BLTP1: variants seen among roughly 807,000 people sequenced by gnomAD.
The protein encoded by BLTP1 is fragile site-associated protein.
At chr4:122,261,818 T>C in the BLTP1 span, 114 of 984,836 alleles carry the variant, frequency 1.2e-4, no homozygotes, top group Non-Finnish European at 1.3e-4. Flanking sequence ...TTTAATACGT[T>C]GTGAGTGTTC....
the BLTP1 span, among the ~76,000 whole-genome samples, chr4:122,294,026 C>T: frequency 5.9e-5 from 9 of 152,276 alleles, no homozygotes; most frequent in South Asian, 2.1e-4. Flanking sequence ...AGTGGGACTC[C>T]GGTCCATCCC....
chr4:122,325,519 G>T, the BLTP1 span: 4 of 984,918 alleles, frequency 4.1e-6, no homozygotes, highest in Non-Finnish European at 2.4e-6. Context: ...GCAGGTGTTA[G>T]TATTTTACAT....
the BLTP1 span, chr4:122,188,963 G>C: frequency 1.0e-6 from 1 of 985,160 alleles, no homozygotes. Context: ...TGAGTATCGC[G>C]GTGACTGTGG....
the BLTP1 span, among the ~76,000 whole-genome samples, chr4:122,358,112 A>C: frequency 6.6e-6 from 1 of 152,206 alleles, no homozygotes; most frequent in Non-Finnish European, 1.5e-5. Context: ...ATACAGCCCC[A>C]ACAGATACCA....
At chr4:122,216,135 CTA>C in the BLTP1 span, among the ~76,000 whole-genome samples, 1 of 147,350 alleles carries the variant, frequency 6.8e-6, no homozygotes, top group Non-Finnish European at 1.5e-5. Context: ...ATCTATCTAT[CTA>C]TCTATCTACC....
At chr4:122,239,990 T>TCTAC in the BLTP1 span, 1 of 1,614,134 alleles carries the variant, frequency 6.2e-7, no homozygotes, top group Non-Finnish European at 8.5e-7. Flanking sequence ...TATATCACAG[T>TCTAC]GTAGAAGGGC....
At chr4:122,178,039 A>C in the BLTP1 span, 2 of 805,532 alleles carry the variant, frequency 2.5e-6, no homozygotes, top group Non-Finnish European at 3.0e-6. Flanking sequence ...CATTTGTATA[A>C]AAGAGTAACA....
At chr4:122,192,346 A>AT in the BLTP1 span, 1 of 1,613,234 alleles carries the variant, frequency 6.2e-7, no homozygotes, top group South Asian at 1.1e-5. Flanking sequence ...AAAGGAACAG[A>AT]TTTTAATTAT....
chr4:122,307,385 C>A, the BLTP1 span: 1 of 767,166 alleles, frequency 1.3e-6, no homozygotes, highest in Non-Finnish European at 1.6e-6. Context: ...GATGCTCAAC[C>A]TGCATTTGCT....
the BLTP1 span, among the ~76,000 whole-genome samples, chr4:122,194,098 G>A: frequency 3.3e-5 from 5 of 152,128 alleles, no homozygotes; most frequent in South Asian, 2.1e-4. Flanking sequence ...TCCTGACCTC[G>A]TGATCCGCCC....
chr4:122,263,546 A>G, the BLTP1 span: 2 of 1,613,154 alleles, frequency 1.2e-6, no homozygotes, highest in South Asian at 2.2e-5. Context: ...TAATCGAGGA[A>G]GTGTGTTACA....
chr4:122,217,295 C>G, the BLTP1 span, among the ~76,000 whole-genome samples: 1 of 151,428 alleles, frequency 6.6e-6, no homozygotes, highest in Non-Finnish European at 1.5e-5. Context: ...TGTGATGCCT[C>G]CAGATTTGTT....
the BLTP1 span, chr4:122,251,597 C>CCTAG: frequency 2.0e-6 from 2 of 985,066 alleles, no homozygotes; most frequent in Non-Finnish European, 2.4e-6. Flanking sequence ...CTGAGAAAAG[C>CCTAG]CTAGCTGTTC....
At chr4:122,237,254 G>T in the BLTP1 span, 1,538 of 985,078 alleles carry the variant, frequency 1.6e-3, 12 homozygotes, top group African/African-American at 0.025. Flanking sequence ...TATTTTTTTT[G>T]GATCTAGGCA....
chr4:122,184,691 G>A, the BLTP1 span: 1 of 985,196 alleles, frequency 1.0e-6, no homozygotes, highest in African/African-American at 1.7e-5. Context: ...AAGAAAAAAA[G>A]GTAAAAATGC....
chr4:122,296,365 G>A, the BLTP1 span, among the ~76,000 whole-genome samples: 2 of 152,316 alleles, frequency 1.3e-5, no homozygotes, highest in South Asian at 4.1e-4. Flanking sequence ...AACAATGGAA[G>A]TGATGGACCT....
the BLTP1 span, chr4:122,251,372 A>G: frequency 1.1e-6 from 1 of 950,812 alleles, no homozygotes; most frequent in Middle Eastern, 5.4e-4. Context: ...TTAATTAGGA[A>G]GTCTAGTATG....
the BLTP1 span, among the ~76,000 whole-genome samples, chr4:122,332,250 G>A: frequency 6.6e-6 from 1 of 151,810 alleles, no homozygotes; most frequent in Non-Finnish European, 1.5e-5. Context: ...ATATTTAATT[G>A]AGGCTTTTAT....
the BLTP1 span, chr4:122,220,261 T>G: frequency 6.6e-7 from 1 of 1,519,824 alleles, no homozygotes; most frequent in African/African-American, 1.4e-5. Context: ...ACAGATGTAA[T>G]TTTTATTTTC....
Sources: allele counts gnomAD v4.1 joint callset (sites outside exome capture counted in the v4.1 genomes callset), GRCh38; gene constraint gnomAD v4.1.1; transcripts MANE v1.5; gene names NCBI Gene and HGNC (gene_info 2026-07-23, HGNC 2026-07-21).